Variants in NUP205 observed in about 807,000 individuals in gnomAD.
The protein encoded by NUP205 is nuclear pore complex protein Nup205.
NUP205 carries 76 observed loss-of-function variants against 253.8 expected under a neutral mutation model. The ratio of observed to expected loss-of-function variants is 0.30; its 90% CI spans 0.25 to 0.36. The LOEUF (loss-of-function observed/expected upper bound fraction) is 0.36. NUP205 is among the 10% of genes least tolerant of loss of function. The probability of loss-of-function intolerance (pLI) is 1.00; values close to 1 mark genes in which losing one functional copy is unlikely to be tolerated. For synonymous variants in NUP205, 832 were observed against 850.1 expected, an observed-to-expected ratio of 0.98 and a Z score of 0.37; for missense variants, 2,162 against 2,425.5, an observed-to-expected ratio of 0.89 and a Z score of 2.28.
At chr7:135,584,082 T>A (rs1806391518) in intron 7 of NUP205, among the ~76,000 whole-genome samples, 1 of 152,108 alleles carries the variant, frequency 6.6e-6, no homozygotes, top group South Asian at 2.1e-4. Context: ...AGTGCTGGGA[T>A]TACAGGCATG....
intron 34 of NUP205, among the ~76,000 whole-genome samples, chr7:135,629,985 C>A (rs531224813): frequency 3.3e-5 from 5 of 152,280 alleles, no homozygotes; most frequent in Admixed American, 3.3e-4. Flanking sequence ...TACTCTAGTT[C>A]ATTTGGCCAA....
intron 3 of NUP205, among the ~76,000 whole-genome samples, chr7:135,574,508 T>A (rs1447847340): frequency 1.3e-5 from 2 of 152,006 alleles, no homozygotes; most frequent in African/African-American, 2.4e-5. Flanking sequence ...GGGTAAGGCT[T>A]TTCCGGGGAG....
At chr7:135,615,396 C>T (rs1363353839) in intron 23 of NUP205, among the ~76,000 whole-genome samples, 1 of 151,700 alleles carries the variant, frequency 6.6e-6, no homozygotes, top group Non-Finnish European at 1.5e-5. Context: ...CCTGTCTCTA[C>T]AATAAAAAAT....
At position 135,625,296 on chromosome 7, in the gene NUP205, A is replaced by G; in HGVS notation, c.4612A>G (p.Ser1538Gly). 1 of 1,614,036 alleles carries G rather than the reference A, an allele frequency of 6.2e-7. No individual in the cohort carries two copies. The highest frequency in any genetic ancestry group is 8.5e-7 in the Non-Finnish European group (1 of 1,179,974). Residue 1538 changes from serine to glycine, a missense_variant, in exon 32 of 43, where the codon AGC becomes GGC. Transcript: ENST00000285968. ...GGTAGAAGATGACCGTACTTTGCAG[A>G]GCTTACTCACCCCACAGCCTCCCCT... ...SLVEDDRTLQ[S>G]LLTPQPPLLK... is the part of the protein sequence containing the mutation.
intron 27 of NUP205, 77 bp downstream of exon 27, chr7:135,617,759 T>G: frequency 1.2e-6 from 1 of 848,438 alleles, no homozygotes; most frequent in South Asian, 1.7e-5. Context: ...AAATAGTATA[T>G]TGACATGTAG....
At chr7:135,579,197 AT>A (rs11396157) in intron 7 of NUP205, among the ~76,000 whole-genome samples, 113 of 143,944 alleles carry the variant, frequency 7.9e-4, no homozygotes, top group Middle Eastern at 3.8e-3. Flanking sequence ...TGTCACATTA[AT>A]TTTTTTTTTT....
chr7:135,591,790 A>ATT (rs1181754622), intron 11 of NUP205, among the ~76,000 whole-genome samples, 190 bp downstream of exon 11: 2 of 152,332 alleles, frequency 1.3e-5, no homozygotes, highest in Non-Finnish European at 2.9e-5. Context: ...GGTCTCACAG[A>ATT]TTGGGGAGTT....
chr7:135,592,504 C>G (rs1328827379), intron 11 of NUP205, among the ~76,000 whole-genome samples: 1 of 152,200 alleles, frequency 6.6e-6, no homozygotes, highest in African/African-American at 2.4e-5. Flanking sequence ...ATCCAGAGTT[C>G]TAGCTCACAG....
chr7:135,637,890 T>C lies in NUP205; in HGVS notation c.5137-41T>C, dbSNP rs1248867090. ...CTATCCCTCAAGAAAGAGAGGTTAC[T>C]AATTTTAAATACATTTAACAAGATA... On this transcript the variant is annotated intron_variant, in intron 36 of 42. Coordinates refer to ENST00000285968, the MANE Select transcript of NUP205 (RefSeq NM_015135.3). The C allele has an allele frequency of 1.3e-5, 21 of 1,568,908 alleles. No homozygotes were observed. The African/African-American group carries it at 2.7e-4, about 21-fold the overall frequency.
chr7:135,632,400 G>A (rs1441345663), intron 35 of NUP205, among the ~76,000 whole-genome samples: 1 of 152,162 alleles, frequency 6.6e-6, no homozygotes, highest in Non-Finnish European at 1.5e-5. Context: ...ATAGTATAGA[G>A]TTTCCCAGGC....
chr7:135,601,335 C>G, intron 16 of NUP205, 35 bp from the exon 17 acceptor site: 1 of 1,582,270 alleles, frequency 6.3e-7, no homozygotes, highest in Non-Finnish European at 8.6e-7. Context: ...AAATACTAAC[C>G]CATCATCTCT....
At chr7:135,588,626 G>T (rs903801355) in intron 10 of NUP205, among the ~76,000 whole-genome samples, 6 of 150,656 alleles carry the variant, frequency 4.0e-5, no homozygotes, top group African/African-American at 1.5e-4. Flanking sequence ...TGATGACCAG[G>T]CTGGTCTGTA....
intron 30 of NUP205, among the ~76,000 whole-genome samples, chr7:135,622,333 G>T (rs1011346258): frequency 6.6e-6 from 1 of 150,510 alleles, no homozygotes; most frequent in Non-Finnish European, 1.5e-5. Flanking sequence ...TGAGGCAGGA[G>T]AATCGCTTGA....
intron 14 of NUP205, 97 bp from the exon 15 acceptor site, chr7:135,597,901 T>TGAGTTAGCACTA: frequency 1.1e-6 from 1 of 891,178 alleles, no homozygotes; most frequent in East Asian, 2.4e-5. Context: ...TCTTTTGGTG[T>TGAGTTAGCACTA]GAGTTAGCAC....
chr7:135,640,927 A>T (rs1159640915), intron 38 of NUP205, among the ~76,000 whole-genome samples: 1 of 152,164 alleles, frequency 6.6e-6, no homozygotes, highest in East Asian at 1.9e-4. Context: ...GGAGCCGGGC[A>T]TGATGGCTGA....
intron 1 of NUP205, among the ~76,000 whole-genome samples, chr7:135,559,704 T>A (rs1348779488): frequency 6.6e-6 from 1 of 151,280 alleles, no homozygotes; most frequent in Non-Finnish European, 1.5e-5. Context: ...TTTTTTTCTT[T>A]TTTTGAGATG....
chr7:135,583,745 C>T (rs1806374673), intron 7 of NUP205, among the ~76,000 whole-genome samples: 1 of 151,806 alleles, frequency 6.6e-6, no homozygotes, highest in Non-Finnish European at 1.5e-5. Context: ...GGTGACAGAG[C>T]GAGACCCTGT....
chr7:135,625,023 A>G, intron 31 of NUP205, 141 bp from the exon 32 acceptor site: 2 of 714,634 alleles, frequency 2.8e-6, no homozygotes, highest in South Asian at 4.1e-5. Flanking sequence ...AAAAAAATAA[A>G]AAGGAAATTT....
At chr7:135,647,474 G>T (rs1795032721) in intron 42 of NUP205, among the ~76,000 whole-genome samples, 1 of 152,102 alleles carries the variant, frequency 6.6e-6, no homozygotes, top group Non-Finnish European at 1.5e-5. Flanking sequence ...GTTAATTGAG[G>T]CCATGTGCAA....
Sources: gnomAD v4.1 joint callset for allele counts (sites outside exome capture counted in the v4.1 genomes callset) on GRCh38, gnomAD v4.1.1 for gene constraint, MANE v1.5 for transcripts, NCBI Gene and HGNC (gene_info 2026-07-23, HGNC 2026-07-21) for gene names.